Variants in DOK6 observed in about 807,000 individuals in gnomAD.
DOK6 encodes docking protein 6, also known as downstream of tyrosine kinase 6.
In DOK6, 22 loss-of-function variants were observed where a neutral mutation model predicts 44.0. The ratio of observed to expected loss-of-function variants is 0.50; its 90% CI spans 0.36 to 0.71. The LOEUF is 0.71. DOK6 is among the 30% of genes least tolerant of loss of function. The pLI, the probability that DOK6 is intolerant of heterozygous loss-of-function variation, is 0.00. For synonymous variants in DOK6, 166 were observed against 145.5 expected (o/e 1.14, Z -1.01); for missense variants, 340 against 416.4 (o/e 0.82, Z 1.60).
At chr18:69,567,942 C>T (rs921858517) in intron 2 of DOK6, among the ~76,000 whole-genome samples, 1 of 152,196 alleles carries the variant, frequency 6.6e-6, no homozygotes, top group East Asian at 1.9e-4. Context: ...TGGCTCCTGC[C>T]GCTCCCACTC....
At chr18:69,713,897 G>T (rs1053570808) in intron 5 of DOK6, among the ~76,000 whole-genome samples, 1 of 152,160 alleles carries the variant, frequency 6.6e-6, no homozygotes, top group Non-Finnish European at 1.5e-5. Context: ...CCCAGTCTTG[G>T]CTCTAAGCTC....
intron 3 of DOK6, among the ~76,000 whole-genome samples, chr18:69,657,938 T>C (rs1358626028): frequency 1.3e-5 from 2 of 151,914 alleles, no homozygotes; most frequent in African/African-American, 2.4e-5. Context: ...GTTGTTGCTG[T>C]TGTTGTTTTT....
At chr18:69,665,839 A>G (rs1985644075) in intron 3 of DOK6, among the ~76,000 whole-genome samples, 1 of 151,466 alleles carries the variant, frequency 6.6e-6, no homozygotes, top group South Asian at 2.1e-4. Context: ...CTTCAATCCT[A>G]AGCCTCCTGC....
At chr18:69,625,326 G>T (rs1262540645) in intron 3 of DOK6, among the ~76,000 whole-genome samples, 2 of 152,048 alleles carry the variant, frequency 1.3e-5, no homozygotes, top group Non-Finnish European at 2.9e-5. Flanking sequence ...TATAGAATTT[G>T]TCAGGGAAGT....
intron 3 of DOK6, among the ~76,000 whole-genome samples, chr18:69,604,168 A>G (rs1347125357): frequency 2.0e-5 from 3 of 152,166 alleles, no homozygotes; most frequent in East Asian, 1.9e-4. Flanking sequence ...ACCAGTGGGG[A>G]AAAATGGCTT....
intron 6 of DOK6, among the ~76,000 whole-genome samples, chr18:69,749,520 G>A (rs1339713761): frequency 6.6e-6 from 1 of 152,028 alleles, no homozygotes; most frequent in East Asian, 1.9e-4. Flanking sequence ...GCTTCCACAG[G>A]ATATATGTTC....
At chr18:69,558,938 T>G (rs1415483726) in intron 1 of DOK6, among the ~76,000 whole-genome samples, 1 of 152,104 alleles carries the variant, frequency 6.6e-6, no homozygotes, top group Non-Finnish European at 1.5e-5. Context: ...ATACAGGAAC[T>G]CCACCATTTT....
chr18:69,778,283 T>A (rs1359922902), intron 7 of DOK6, among the ~76,000 whole-genome samples: 1 of 151,998 alleles, frequency 6.6e-6, no homozygotes, highest in Non-Finnish European at 1.5e-5. Context: ...TTAACTCAGG[T>A]CCTCCTAGAA....
intron 3 of DOK6, among the ~76,000 whole-genome samples, chr18:69,673,078 A>G (rs780491547): frequency 1.3e-5 from 2 of 152,196 alleles, no homozygotes; most frequent in Non-Finnish European, 2.9e-5. Context: ...ATTATTAATA[A>G]AAGCTAACTC....
At chr18:69,777,376 T>C (rs1274265675) in intron 7 of DOK6, among the ~76,000 whole-genome samples, 2 of 152,102 alleles carry the variant, frequency 1.3e-5, no homozygotes, top group Non-Finnish European at 2.9e-5. Context: ...AGAGGTATGA[T>C]ATTCTCAGTA....
Position 69,844,972 on chromosome 18 carries a change from T to C in DOK6, c.*3589T>C, listed in dbSNP as rs148632389. On this transcript the variant is annotated 3_prime_UTR_variant, in exon 8 of 8. Transcript: ENST00000382713. ...AGTGGACTGATAAATAACTTTACATTGTTGGTAGTAGTTTCTACAGATCCA... is the reference window on the plus strand; with the variant it reads ...AGTGGACTGATAAATAACTTTACATCGTTGGTAGTAGTTTCTACAGATCCA... The C allele has an allele frequency of 5.9e-4, 90 of 152,294 alleles. No homozygotes were observed. Among genetic ancestry groups the C allele is most frequent in the Admixed American group, 1.8e-3 (28 of 15,304 alleles). 9.4% of individuals were successfully genotyped at this position (152,294 alleles called of 1,614,324 possible).
intron 1 of DOK6, among the ~76,000 whole-genome samples, chr18:69,508,429 A>G (rs1332107930): frequency 6.6e-6 from 1 of 152,208 alleles, no homozygotes; most frequent in African/African-American, 2.4e-5. Context: ...TATAGAATTT[A>G]TATCATTCCT....
At chr18:69,728,016 C>A (rs1017440042) in intron 5 of DOK6, among the ~76,000 whole-genome samples, 1 of 152,240 alleles carries the variant, frequency 6.6e-6, no homozygotes, top group African/African-American at 2.4e-5. Flanking sequence ...TCCAGGCTGG[C>A]ATCTGCTGTA....
At chr18:69,653,328 A>G (rs1249986524) in intron 3 of DOK6, among the ~76,000 whole-genome samples, 1 of 150,814 alleles carries the variant, frequency 6.6e-6, no homozygotes, top group African/African-American at 2.4e-5. Flanking sequence ...AAAAAGAAGA[A>G]GATTTTGGCT....
chr18:69,410,440 A>T (rs1978301182), intron 1 of DOK6, among the ~76,000 whole-genome samples: 1 of 152,132 alleles, frequency 6.6e-6, no homozygotes, highest in Non-Finnish European at 1.5e-5. Flanking sequence ...AACATGCTAG[A>T]CTCCTCTAAA....
intron 1 of DOK6, chr18:69,471,810 G>C (rs1471910710): frequency 2.0e-5 from 3 of 152,114 alleles, no homozygotes; most frequent in Non-Finnish European, 4.4e-5. Context: ...GTTCTTGGTT[G>C]AGCCTGAAAT....
chr18:69,845,310 T>C lies in DOK6; in HGVS notation c.*3927T>C, dbSNP rs927810538. 2 of 152,352 alleles carry C rather than the reference T, an allele frequency of 1.3e-5. No homozygotes were observed. The highest frequency in any genetic ancestry group is 2.1e-4 in the South Asian group (1 of 4,828). The allele number at this position is 152,352 out of a possible 1,614,324, so 9.4% of individuals were successfully genotyped here. ...ACAATTCGTGTTTTAAAATATTATA[T>C]TGAAGACTGCACAAAGAGAAAATTA... On this transcript the variant is annotated 3_prime_UTR_variant, in exon 8 of 8. Coordinates refer to ENST00000382713, the MANE Select transcript of DOK6 (RefSeq NM_152721.6).
intron 7 of DOK6, among the ~76,000 whole-genome samples, chr18:69,785,098 T>C (rs1980391088): frequency 6.6e-6 from 1 of 152,184 alleles, no homozygotes; most frequent in Non-Finnish European, 1.5e-5. Context: ...TGCTGTCATA[T>C]AGGACACATA....
At chr18:69,570,389 C>CA (rs199727213) in intron 2 of DOK6, among the ~76,000 whole-genome samples, 4,596 of 151,610 alleles carry the variant, frequency 0.03, 83 homozygotes, top group South Asian at 0.044. Flanking sequence ...ACAGCAACAA[C>CA]AAAAAATCAC....
Sources: gnomAD v4.1 joint callset for allele counts (sites outside exome capture counted in the v4.1 genomes callset) on GRCh38, gnomAD v4.1.1 for gene constraint, MANE v1.5 for transcripts, NCBI Gene and HGNC (gene_info 2026-07-23, HGNC 2026-07-21) for gene names.